The following COL25A1 variants were observed in gnomAD, a reference collection of about 807,000 sequenced individuals.
COL25A1 encodes collagen alpha-1(XXV) chain.
COL25A1 carries 103 observed loss-of-function variants against 128.4 expected under a neutral mutation model. The ratio of observed to expected loss-of-function variants is 0.80; its 90% CI spans 0.68 to 0.94. The LOEUF is 0.94. Ranked by LOEUF, COL25A1 falls within the 40% of genes least tolerant of loss-of-function variation. COL25A1 has a pLI of 0.00. For missense variants in COL25A1, 745 were observed against 840.0 expected, an observed-to-expected ratio of 0.89 and a Z score of 1.40; for synonymous variants, 279 against 277.2, an observed-to-expected ratio of 1.01 and a Z score of -0.06.
At chr4:108,843,979 C>T (rs1734773517) in intron 30 of COL25A1, among the ~76,000 whole-genome samples, 1 of 152,106 alleles carries the variant, frequency 6.6e-6, no homozygotes, top group African/African-American at 2.4e-5. Flanking sequence ...CTCACTGCAA[C>T]CTCAGCCTCC....
intron 3 of COL25A1, among the ~76,000 whole-genome samples, chr4:109,083,060 G>A (rs971160964): frequency 6.6e-6 from 1 of 152,072 alleles, no homozygotes; most frequent in Non-Finnish European, 1.5e-5. Context: ...CTTTGTAAAG[G>A]GCACAAGCAG....
intron 3 of COL25A1, among the ~76,000 whole-genome samples, chr4:109,054,822 C>T (rs1006999636): frequency 1.2e-4 from 19 of 152,190 alleles, no homozygotes; most frequent in Middle Eastern, 3.4e-3. Flanking sequence ...TCTTGATGGA[C>T]GCACACTGGG....
At chr4:109,218,360 T>TTTTTTTTGTTTG (rs1778179019) in intron 3 of COL25A1, among the ~76,000 whole-genome samples, 3 of 116,656 alleles carry the variant, frequency 2.6e-5, no homozygotes, top group Admixed American at 8.1e-5. Context: ...TTTTGGGGTT[T>TTTTTTTTGTTTG]TTTTTTTTTT....
At chr4:108,814,888 G>C (rs573258412) in intron 37 of COL25A1, among the ~76,000 whole-genome samples, 1 of 152,138 alleles carries the variant, frequency 6.6e-6, no homozygotes, top group African/African-American at 2.4e-5. Flanking sequence ...ACAATGCATG[G>C]AGTCATCTTT....
intron 3 of COL25A1, among the ~76,000 whole-genome samples, chr4:109,273,710 G>A (rs890347817): frequency 3.9e-5 from 6 of 152,052 alleles, no homozygotes; most frequent in Non-Finnish European, 7.4e-5. Flanking sequence ...TGCATCAGCA[G>A]AAAAACCATC....
At chr4:108,857,494 C>T (rs886509640) in intron 24 of COL25A1, among the ~76,000 whole-genome samples, 1 of 150,402 alleles carries the variant, frequency 6.6e-6, no homozygotes, top group Non-Finnish European at 1.5e-5. Context: ...AAGCAGTAAA[C>T]ATGCTTCTGT....
At chr4:109,239,414 A>ATT (rs1779715371) in intron 3 of COL25A1, among the ~76,000 whole-genome samples, 2 of 134,928 alleles carry the variant, frequency 1.5e-5, no homozygotes, top group African/African-American at 5.6e-5. Flanking sequence ...ATATATATAT[A>ATT]TATATATATT....
At position 109,193,667 on chromosome 4, in the gene COL25A1, G is replaced by A. The variant is rs540169221; in HGVS notation, c.367+106916C>T. On this transcript the variant is annotated intron_variant, in intron 3 of 37. Coordinates refer to ENST00000399132, the MANE Select transcript of COL25A1 (RefSeq NM_198721.4). ...TTTGTTCTCCTGCTGCACCAACTTC[G>A]GTCAGAGACCCCTAATATTTCATTG... Among the ~76,000 whole-genome samples, 4 of 152,152 alleles carry A rather than the reference G, an allele frequency of 2.6e-5. No individual in the cohort carries two copies. The South Asian group carries it at 6.2e-4, about 24-fold the overall frequency.
intron 3 of COL25A1, among the ~76,000 whole-genome samples, chr4:109,084,623 T>C (rs1208186486): frequency 6.6e-6 from 1 of 152,226 alleles, no homozygotes; most frequent in Non-Finnish European, 1.5e-5. Context: ...TTCTTGTATG[T>C]TATTATACAA....
intron 3 of COL25A1, among the ~76,000 whole-genome samples, chr4:109,145,067 CTTTT>C (rs11344199): frequency 3.7e-5 from 4 of 109,146 alleles, no homozygotes; most frequent in Non-Finnish European, 3.9e-5. Context: ...AAAACCTCAG[CTTTT>C]TTTTTTTTTT....
chr4:109,096,319 C>T (rs1387428274), intron 3 of COL25A1, among the ~76,000 whole-genome samples: 2 of 152,150 alleles, frequency 1.3e-5, no homozygotes, highest in African/African-American at 4.8e-5. Flanking sequence ...TGATGTTGGT[C>T]CCATATGATT....
chr4:108,858,451 AG>A (rs1421190433), intron 24 of COL25A1, among the ~76,000 whole-genome samples: 7 of 152,194 alleles, frequency 4.6e-5, no homozygotes, highest in African/African-American at 1.4e-4. Flanking sequence ...GAATAAGTAA[AG>A]GACTAAGAAT....
At chr4:109,104,019 A>G (rs1766160055) in intron 3 of COL25A1, among the ~76,000 whole-genome samples, 1 of 152,218 alleles carries the variant, frequency 6.6e-6, no homozygotes, top group Non-Finnish European at 1.5e-5. Context: ...ACATTTTAAC[A>G]GAAAATTTTT....
intron 3 of COL25A1, among the ~76,000 whole-genome samples, chr4:109,296,087 A>G (rs959997667): frequency 6.6e-6 from 1 of 152,012 alleles, no homozygotes; most frequent in African/African-American, 2.4e-5. Flanking sequence ...ATAAGCCATC[A>G]TCCTCCTGTC....
chr4:109,147,807 A>G (rs1389580310), intron 3 of COL25A1, among the ~76,000 whole-genome samples: 3 of 144,804 alleles, frequency 2.1e-5, no homozygotes, highest in African/African-American at 7.8e-5. Context: ...ACACAGAAAG[A>G]CTCTGTCTCA....
intron 6 of COL25A1, among the ~76,000 whole-genome samples, chr4:109,006,530 G>A (rs755172465): frequency 2.0e-4 from 31 of 151,484 alleles, no homozygotes; most frequent in South Asian, 4.2e-4. Context: ...GTGAGCCACC[G>A]TGTTCAGTCT....
At chr4:108,890,783 A>G (rs919810230) in intron 16 of COL25A1, among the ~76,000 whole-genome samples, 1 of 152,156 alleles carries the variant, frequency 6.6e-6, no homozygotes, top group African/African-American at 2.4e-5. Flanking sequence ...GAAGCTGCTC[A>G]TCAATCTCTT....
chr4:109,192,680 T>C (rs1333375051), intron 3 of COL25A1, among the ~76,000 whole-genome samples: 4 of 151,882 alleles, frequency 2.6e-5, no homozygotes, highest in Admixed American at 1.3e-4. Flanking sequence ...GGTGAAACCC[T>C]GTCTCTATTA....
In COL25A1 at chr4:109,057,540, C is replaced by T. The variant is rs556110469; in HGVS notation, c.368-7361G>A. ...CAGGTGACCTGCCGGCCTTTGCCTC[C>T]CAAAGTGCTGGGATTATAGGCATGA... On this transcript the variant is annotated intron_variant, in intron 3 of 37. Transcript: ENST00000399132. Among the ~76,000 whole-genome samples the T allele has an allele frequency of 2.2e-3, 321 of 148,800 alleles. 1 individual carries two copies. The highest frequency in any genetic ancestry group is 7.5e-3 in the African/African-American group (302 of 40,420).
Sources: allele counts gnomAD v4.1 joint callset (sites outside exome capture counted in the v4.1 genomes callset), GRCh38; gene constraint gnomAD v4.1.1; transcripts MANE v1.5; gene names NCBI Gene and HGNC (gene_info 2026-07-23, HGNC 2026-07-21).